PARP15: variants seen among roughly 807,000 people sequenced by gnomAD.
PARP15 encodes the protein protein mono-ADP-ribosyltransferase PARP15.
A neutral mutation model predicts 62.1 loss-of-function variants in PARP15; 50 were observed. The observed-to-expected ratio is 0.81, with a 90% CI of 0.64 to 1.02. The LOEUF is 1.02. Among genes scored for constraint, PARP15 ranks in the 50% least tolerant of loss-of-function variants. The pLI is 0.00. For missense variants in PARP15, 820 were observed against 826.5 expected (o/e 0.99, Z 0.10); for synonymous variants, 309 against 293.1 (o/e 1.05, Z -0.55).
chr3:122,617,051 C>G lies in PARP15; in HGVS notation c.887C>G (p.Ala296Gly), dbSNP rs371531308. Residue 296 changes from alanine (A) to glycine (G), a missense_variant, in exon 6 of 12, where the codon GCA (alanine) becomes GGA (glycine). Ala to Gly is a moderately conservative substitution (Grantham distance 60). Around this residue, in one of 3 missense-constraint regions of PARP15, gnomAD observed 731 missense variants for 727.7 expected, o/e 1.00. Transcript: ENST00000464300. ...ACTGTCTCTAAGCCTTGTTTCACAGCATATGAAATGAAAATCGGTGCAATT... is the reference window on the plus strand; with the variant it reads ...ACTGTCTCTAAGCCTTGTTTCACAGGATATGAAATGAAAATCGGTGCAATT... ...VGTVSKPCFT[A>G]YEMKIGAITF... The G allele has an allele frequency of 1.2e-6, 2 of 1,613,966 alleles. No individual in the cohort carries two copies. The highest frequency in any genetic ancestry group is 2.7e-5 in the African/African-American group (2 of 74,914).
intron 9 of PARP15, among the ~76,000 whole-genome samples, chr3:122,631,069 T>A (rs1464518697): frequency 6.6e-6 from 1 of 152,206 alleles, no homozygotes; most frequent in Non-Finnish European, 1.5e-5. Context: ...ACCTCCTTAC[T>A]TCCCAGGCTT....
chr3:122,625,784 G>GC (rs1936683340), intron 8 of PARP15, among the ~76,000 whole-genome samples: 1 of 152,140 alleles, frequency 6.6e-6, no homozygotes. Context: ...TCTTACTTCA[G>GC]CCCCCCGTCC....
intron 1 of PARP15, 23 bp from the exon 2 acceptor site, chr3:122,605,913 A>G: frequency 6.5e-7 from 1 of 1,548,936 alleles, no homozygotes; most frequent in Non-Finnish European, 8.7e-7. Context: ...ATTGCTGGTA[A>G]TGCTTTACTG....
chr3:122,580,939 A>G (rs1050926101), intron 1 of PARP15, among the ~76,000 whole-genome samples: 4 of 152,102 alleles, frequency 2.6e-5, no homozygotes, highest in African/African-American at 7.2e-5. Flanking sequence ...TACCTTTTCT[A>G]TATTTAGATA....
chr3:122,623,013 C>T (rs933893767), intron 8 of PARP15, among the ~76,000 whole-genome samples: 3 of 152,130 alleles, frequency 2.0e-5, no homozygotes, highest in Non-Finnish European at 4.4e-5. Context: ...AGGTCCCTCT[C>T]GTATGAACCC....
chr3:122,583,319 G>C (rs891330042), intron 1 of PARP15, among the ~76,000 whole-genome samples: 1 of 150,576 alleles, frequency 6.6e-6, no homozygotes, highest in Non-Finnish European at 1.5e-5. Flanking sequence ...TAGAGATAGG[G>C]TTTCACTATG....
intron 1 of PARP15, among the ~76,000 whole-genome samples, chr3:122,596,832 G>A (rs1251556787): frequency 1.3e-5 from 2 of 152,202 alleles, no homozygotes; most frequent in Non-Finnish European, 2.9e-5. Flanking sequence ...GAAACTATAA[G>A]TGGGAAGAGA....
chr3:122,581,156 C>G (rs2080795212), intron 1 of PARP15, among the ~76,000 whole-genome samples: 1 of 152,128 alleles, frequency 6.6e-6, no homozygotes, highest in African/African-American at 2.4e-5. Flanking sequence ...CAGACTGTAT[C>G]CCCATCATTA....
chr3:122,635,178 T>A lies in PARP15; in HGVS notation c.1731T>A (p.Ser577Arg), dbSNP rs143463490. 131 of 1,613,000 alleles carry A rather than the reference T, an allele frequency of 8.1e-5. No homozygotes were observed. The highest frequency in any genetic ancestry group is 1.0e-4 in the Non-Finnish European group (120 of 1,179,692). Residue 577 changes from serine to arginine, a missense_variant, in exon 11 of 12, where the codon AGT (serine) becomes AGA (arginine). This residue lies in a region of PARP15 where 731 missense variants were observed against 727.7 expected (regional missense o/e 1.00). Coordinates refer to ENST00000464300, the MANE Select transcript of PARP15 (RefSeq NM_001113523.3). The stretch of plus-strand genomic sequence containing the variant: ...TCAATCAGCACGGCTTTAATAGAAG[T>A]TGTGCTGGGAAAAATGGTAAGGAAG... ...PYVNQHGFNRSCAGKNAVSYG... is the reference protein window; with the variant it reads ...PYVNQHGFNRRCAGKNAVSYG...
At chr3:122,579,307 C>T (rs1157182773) in intron 1 of PARP15, among the ~76,000 whole-genome samples, 1 of 151,986 alleles carries the variant, frequency 6.6e-6, no homozygotes, top group African/African-American at 2.4e-5. Flanking sequence ...TGTCTATTTA[C>T]GTGTATGTAT....
chr3:122,587,617 C>T (rs769096223), intron 1 of PARP15, among the ~76,000 whole-genome samples: 5 of 152,196 alleles, frequency 3.3e-5, no homozygotes, highest in Admixed American at 6.5e-5. Flanking sequence ...CAGCCGCAAC[C>T]TCCTGGGATC....
At chr3:122,600,815 C>T (rs939034845) in intron 1 of PARP15, among the ~76,000 whole-genome samples, 14 of 149,598 alleles carry the variant, frequency 9.4e-5, no homozygotes, top group Non-Finnish European at 1.6e-4. Context: ...AAGGAAAGGA[C>T]TTTGTTTTTA....
At chr3:122,579,125 T>C (rs1389761638) in intron 1 of PARP15, among the ~76,000 whole-genome samples, 9 of 152,194 alleles carry the variant, frequency 5.9e-5, no homozygotes, top group Non-Finnish European at 1.3e-4. Context: ...AAATCTCCAT[T>C]ATGAAGGAAT....
chr3:122,579,550 C>T (rs7638318), intron 1 of PARP15, among the ~76,000 whole-genome samples: 14,531 of 152,210 alleles, frequency 0.095, 752 homozygotes, highest in Admixed American at 0.14. Flanking sequence ...AGTTCCAGAA[C>T]GTCATGTACA....
chr3:122,602,144 T>C (rs1179729634), intron 1 of PARP15, among the ~76,000 whole-genome samples: 1 of 152,198 alleles, frequency 6.6e-6, no homozygotes, highest in Admixed American at 6.5e-5. Flanking sequence ...CTTGGTCTCT[T>C]TTACTTATCA....
At chr3:122,620,282 C>G (rs768933060) in intron 7 of PARP15, among the ~76,000 whole-genome samples, 1 of 152,190 alleles carries the variant, frequency 6.6e-6, no homozygotes, top group Non-Finnish European at 1.5e-5. Flanking sequence ...TACAAACTTT[C>G]CCCAAACTTG....
chr3:122,636,090 T>C lies in PARP15; in HGVS notation c.2027T>C (p.Phe676Ser), dbSNP rs1423269926. 3.7e-6 allele frequency: 6 copies of C among 1,609,072 alleles called. No individual in the cohort carries two copies. The South Asian group carries it at 4.4e-5, about 12-fold the overall frequency. ...GCTTACCCAGAATATCTCATAACTTTCACGGCTTAAAAATATTTTTATCAT... is the reference window on the plus strand; with the variant it reads ...GCTTACCCAGAATATCTCATAACTTCCACGGCTTAAAAATATTTTTATCAT... ...NQAYPEYLIT[F>S]TA The change falls in exon 12 of 12, where the codon TTC (phenylalanine) becomes TCC (serine). Residue 676 changes from phenylalanine (F) to serine (S), a missense_variant. By Grantham distance (155) the Phe-to-Ser change is radical (BLOSUM62 -2). Coordinates refer to ENST00000464300, the MANE Select transcript of PARP15 (RefSeq NM_001113523.3).
chr3:122,577,946 C>A, intron 1 of PARP15, 93 bp downstream of exon 1: 1 of 1,329,168 alleles, frequency 7.5e-7, no homozygotes, highest in Middle Eastern at 2.7e-4. Flanking sequence ...GCAGAGACCC[C>A]ACGCCACGCA....
At chr3:122,615,517 G>A in intron 4 of PARP15, 1 of 1,139,922 alleles carries the variant, frequency 8.8e-7, no homozygotes, top group Non-Finnish European at 1.2e-6. Flanking sequence ...GTGACTTCCT[G>A]CAGAGCCACA....
Sources: allele counts gnomAD v4.1 joint callset (sites outside exome capture counted in the v4.1 genomes callset), GRCh38; gene constraint gnomAD v4.1.1; regional missense constraint gnomAD v4.1.1; transcripts MANE v1.5; gene names NCBI Gene and HGNC (gene_info 2026-07-23, HGNC 2026-07-21).